The following LMCD1 variants were observed in gnomAD, a reference collection of about 807,000 sequenced individuals.
LMCD1 encodes the protein LIM and cysteine-rich domains protein 1.
LMCD1 carries 32 observed loss-of-function variants against 42.7 expected under a neutral mutation model. The observed-to-expected ratio is 0.75, with a 90% CI of 0.57 to 1.01. LMCD1 has a LOEUF of 1.01. Among genes scored for constraint, LMCD1 ranks in the 50% least tolerant of loss-of-function variants. The probability of loss-of-function intolerance (pLI) is 0.00; values close to 1 mark genes in which losing one functional copy is unlikely to be tolerated. For missense variants in LMCD1, 458 were observed against 483.1 expected, an observed-to-expected ratio of 0.95 and a Z score of 0.49; for synonymous variants, 178 against 184.9, an observed-to-expected ratio of 0.96 and a Z score of 0.30.
Position 8,567,735 on chromosome 3 carries a change from T to C in LMCD1, c.*137T>C, listed in dbSNP as rs938380400. 1.3e-6 allele frequency: 1 copy of C among 793,456 alleles called. No homozygotes were observed. Among genetic ancestry groups the C allele is most frequent in the Non-Finnish European group, 2.0e-6 (1 of 508,922 alleles). 49.2% of individuals were successfully genotyped at this position (793,456 alleles called of 1,614,324 possible). ...TGATTTGCTTTTCAGTGAGAATATA[T>C]ATATGAGATATATATAGATATATAT... is the stretch of plus-strand genomic sequence containing the variant. On this transcript the variant is annotated 3_prime_UTR_variant, in exon 6 of 6. Coordinates refer to ENST00000157600, the MANE Select transcript of LMCD1 (RefSeq NM_014583.4).
rs550507738 is a variant in LMCD1 at position 8,567,831 on chromosome 3, G to A, written c.*233G>A. ...ACCAAAAATATTCTAAGAAGTCTTA[G>A]GATGGAGTTCCTTTTCTTTCTGTTG... On this transcript the variant is annotated 3_prime_UTR_variant, in exon 6 of 6. Transcript: ENST00000157600. 6.0e-6 allele frequency: 2 copies of A among 331,346 alleles called. No individual in the cohort carries two copies. The highest frequency in any genetic ancestry group is 1.1e-5 in the Non-Finnish European group (2 of 185,428). 20.5% of individuals were successfully genotyped at this position (331,346 alleles called of 1,614,324 possible). A position where few individuals can be genotyped will look rare whatever the true frequency, so the allele number is the denominator to read the frequency against.
In LMCD1 at chr3:8,572,194, G is replaced by A. The variant is rs1695229954; in HGVS notation, c.*4596G>A. 6.6e-6 allele frequency: 1 copy of A among 152,186 alleles called. No individual in the cohort carries two copies. The highest frequency in any genetic ancestry group is 6.5e-5 in the Admixed American group (1 of 15,276). The allele number at this position is 152,186 out of a possible 1,614,324, so 9.4% of individuals were successfully genotyped here. On this transcript the variant is annotated 3_prime_UTR_variant, in exon 6 of 6. Transcript: ENST00000157600. The stretch of plus-strand genomic sequence containing the variant: ...TTGAGTTAAATATCCATTAAATTAG[G>A]TTTGTCAGATATTTCCTCGAAATTA...
chr3:8,551,718 G>T (rs748945113), intron 4 of LMCD1, among the ~76,000 whole-genome samples: 1 of 152,190 alleles, frequency 6.6e-6, no homozygotes, highest in Non-Finnish European at 1.5e-5. Flanking sequence ...CAGCAACCCC[G>T]CCATTAGGAG....
chr3:8,567,411 T>A (rs1365458943), intron 5 of LMCD1, 29 bp from the exon 6 acceptor site: 1 of 1,607,414 alleles, frequency 6.2e-7, no homozygotes, highest in Non-Finnish European at 8.5e-7. Context: ...AGAAACTGAG[T>A]CATGCATTTC....
At chr3:8,551,653 G>A (rs960261570) in intron 4 of LMCD1, among the ~76,000 whole-genome samples, 2 of 152,168 alleles carry the variant, frequency 1.3e-5, no homozygotes, top group Admixed American at 6.5e-5. Context: ...AAGCAGGGGA[G>A]GTAATCCTGA....
At chr3:8,509,456 A>G (rs550790514) in intron 1 of LMCD1, among the ~76,000 whole-genome samples, 1 of 152,322 alleles carries the variant, frequency 6.6e-6, no homozygotes, top group Admixed American at 6.5e-5. Flanking sequence ...TGCTTATAAG[A>G]TAGGGCAACA....
intron 3 of LMCD1, among the ~76,000 whole-genome samples, chr3:8,540,986 C>T (rs924116353): frequency 1.4e-4 from 21 of 152,248 alleles, no homozygotes; most frequent in African/African-American, 4.3e-4. Context: ...ATAGCACTCT[C>T]GGTCACCACT....
At chr3:8,528,403 A>C (rs376630680) in intron 1 of LMCD1, among the ~76,000 whole-genome samples, 2 of 152,096 alleles carry the variant, frequency 1.3e-5, no homozygotes, top group Admixed American at 6.5e-5. Context: ...ACTATGTTGC[A>C]CAGGCTGGTC....
Position 8,568,320 on chromosome 3 carries a change from A to T in LMCD1, c.*722A>T, listed in dbSNP as rs1394424776. The T allele has an allele frequency of 6.6e-6, 1 of 152,250 alleles. No individual in the cohort carries two copies. The highest frequency in any genetic ancestry group is 1.5e-5 in the Non-Finnish European group (1 of 68,062). 9.4% of individuals were successfully genotyped at this position (152,250 alleles called of 1,614,324 possible). A position where few individuals can be genotyped will look rare whatever the true frequency, so the allele number is the denominator to read the frequency against. ...CCCAGATCACTAATGTAACAAAGGT[A>T]TCATGTTTTATGGTACACTGAAAAG... is the stretch of plus-strand genomic sequence containing the variant. On this transcript the variant is annotated 3_prime_UTR_variant, in exon 6 of 6. Transcript: ENST00000157600.
At chr3:8,551,739 C>T (rs906099685) in intron 4 of LMCD1, among the ~76,000 whole-genome samples, 1 of 152,224 alleles carries the variant, frequency 6.6e-6, no homozygotes, top group African/African-American at 2.4e-5. Context: ...TGGGTGTGGG[C>T]TGCACTCCCT....
intron 5 of LMCD1, 61 bp downstream of exon 5, chr3:8,565,708 C>T (rs1449281878): frequency 9.5e-6 from 14 of 1,469,766 alleles, no homozygotes; most frequent in Non-Finnish European, 1.3e-5. Flanking sequence ...GGTAAAAGCC[C>T]AGAGGCCAAG....
chr3:8,503,491 T>C (rs576893288), intron 1 of LMCD1, among the ~76,000 whole-genome samples: 1 of 152,370 alleles, frequency 6.6e-6, no homozygotes, highest in East Asian at 1.9e-4. Flanking sequence ...TCTTAGAAGA[T>C]ACCTATTAAT....
At chr3:8,542,960 G>T (rs11719139) in intron 3 of LMCD1, among the ~76,000 whole-genome samples, 73,431 of 152,056 alleles carry the variant, frequency 0.48, 18,424 homozygotes, top group Non-Finnish European at 0.53. Context: ...TGAACATGGA[G>T]AAGTCAGCAG....
intron 3 of LMCD1, among the ~76,000 whole-genome samples, chr3:8,543,987 A>G (rs1468459034): frequency 1.3e-5 from 2 of 152,194 alleles, no homozygotes; most frequent in East Asian, 3.9e-4. Context: ...CGGGGTCAGG[A>G]CGAAGCCCTT....
chr3:8,540,106 T>C (rs1574963335), intron 3 of LMCD1, among the ~76,000 whole-genome samples: 1 of 151,966 alleles, frequency 6.6e-6, no homozygotes, highest in Non-Finnish European at 1.5e-5. Flanking sequence ...CTGGAAACCA[T>C]CATTCTGAGC....
chr3:8,506,914 G>A (rs7642426), intron 1 of LMCD1, among the ~76,000 whole-genome samples: 4,189 of 152,308 alleles, frequency 0.028, 110 homozygotes, highest in South Asian at 0.13. Context: ...AATAACAAAT[G>A]ATTATGACAA....
intron 1 of LMCD1, among the ~76,000 whole-genome samples, chr3:8,522,303 T>C (rs1180310962): frequency 6.6e-6 from 1 of 152,184 alleles, no homozygotes. Context: ...CTCAGCAGTG[T>C]TCCATGAAAG....
In LMCD1 at chr3:8,529,532, C is replaced by T. The variant is rs57267882; in HGVS notation, c.43-3205C>T. The stretch of plus-strand genomic sequence containing the variant: ...TTCTTTGTGCTTGTTGAGATTTTAA[C>T]GTCGATTCTCTTCAGGTGATTGGTA... On this transcript the variant is annotated intron_variant, in intron 1 of 5. Coordinates refer to ENST00000157600, the MANE Select transcript of LMCD1 (RefSeq NM_014583.4). Among the ~76,000 whole-genome samples, 1,020 of 152,246 alleles carry T rather than the reference C, an allele frequency of 6.7e-3. 7 individuals are homozygous for T. Among genetic ancestry groups the T allele is most frequent in the African/African-American group, 0.022 (922 of 41,534 alleles).
chr3:8,507,797 A>G (rs530506458), intron 1 of LMCD1, among the ~76,000 whole-genome samples: 2 of 152,348 alleles, frequency 1.3e-5, no homozygotes, highest in African/African-American at 4.8e-5. Flanking sequence ...CTCTGACTCC[A>G]AAACTTCAGT....
Sources: allele counts gnomAD v4.1 joint callset (sites outside exome capture counted in the v4.1 genomes callset), GRCh38; gene constraint gnomAD v4.1.1; transcripts MANE v1.5; gene names NCBI Gene and HGNC (gene_info 2026-07-23, HGNC 2026-07-21).